The following PCDHGA2 variants were observed in gnomAD, a reference collection of about 807,000 sequenced individuals.
The protein encoded by PCDHGA2 is protocadherin gamma-A2.
A neutral mutation model predicts 59.2 loss-of-function variants in PCDHGA2; 40 were observed. That is an observed-to-expected ratio of 0.68 (90% CI 0.52 to 0.88). The LOEUF is 0.88. Ranked by LOEUF, PCDHGA2 falls within the 40% of genes least tolerant of loss-of-function variation. The probability of loss-of-function intolerance (pLI) is 0.00; values close to 1 mark genes in which losing one functional copy is unlikely to be tolerated. For synonymous variants in PCDHGA2, 560 were observed against 526.0 expected (o/e 1.06, Z -0.89); for missense variants, 1,226 against 1,204.0 (o/e 1.02, Z -0.27).
At chr5:141,346,575 T>A in intron 1 of PCDHGA2, 3 of 1,406,508 alleles carry the variant, frequency 2.1e-6, no homozygotes, top group Non-Finnish European at 2.9e-6. Context: ...GTCCTTTGAC[T>A]AAATATTTGT....
chr5:141,421,766 C>T, intron 1 of PCDHGA2: 2 of 1,613,868 alleles, frequency 1.2e-6, no homozygotes, highest in South Asian at 1.1e-5. Context: ...AATTACTTTT[C>T]CTTGCAACTG....
intron 1 of PCDHGA2, chr5:141,415,906 A>C (rs2154546200): frequency 1.3e-6 from 1 of 784,990 alleles, no homozygotes; most frequent in East Asian, 3.5e-5. Context: ...ACAGACTTCC[A>C]TACAGAAGTG....
At chr5:141,366,775 A>G (rs550477594) in intron 1 of PCDHGA2, 13 of 1,595,244 alleles carry the variant, frequency 8.1e-6, no homozygotes, top group African/African-American at 1.3e-5. Context: ...TTCGGTAAGG[A>G]TGACCAGAAC....
chr5:141,414,427 C>G lies in PCDHGA2; in HGVS notation c.2424+73032C>G, dbSNP rs766147938. The G allele has an allele frequency of 6.2e-6, 10 of 1,613,684 alleles. No individual in the cohort carries two copies. The highest frequency in any genetic ancestry group is 1.6e-4 in the Middle Eastern group (1 of 6,084). On this transcript the variant is annotated intron_variant, in intron 1 of 3. Coordinates refer to ENST00000394576, the MANE Select transcript of PCDHGA2 (RefSeq NM_018915.4). ...GATACACAGAGCCCTTGACAGGGAA[C>G]AGGTATCCTCTTACAATATCACAGT... is the stretch of plus-strand genomic sequence containing the variant.
rs188338684 is a variant in PCDHGA2, at chr5:141,431,953, C to T, written c.2425-62854C>T. ...TGCCCTTTAAATTAGAAAAATCTTA[C>T]GGAAATTACTATAGTTTAGTCACAG... On this transcript the variant is annotated intron_variant, in intron 1 of 3. Transcript: ENST00000394576. The surrounding 1 kb of genome is among the most constrained non-coding windows in gnomAD (Gnocchi z 4.8). 2.4e-5 allele frequency: 38 copies of T among 1,614,082 alleles called. No homozygotes were observed. In the East Asian group the frequency reaches 7.6e-4, roughly 32 times the overall value.
intron 1 of PCDHGA2, chr5:141,389,444 C>T: frequency 6.2e-7 from 1 of 1,610,564 alleles, no homozygotes; most frequent in South Asian, 1.1e-5. Flanking sequence ...CCTTCGACCA[C>T]GAGCAGCTGC....
At chr5:141,374,388 G>T (rs779801370) in intron 1 of PCDHGA2, 3 of 1,614,044 alleles carry the variant, frequency 1.9e-6, no homozygotes, top group Non-Finnish European at 2.5e-6. Context: ...AGCCCGCGGT[G>T]TCTGGTGAGT....
rs113212669 is a variant in PCDHGA2 at position 141,465,048 on chromosome 5, A to T, written c.2425-29759A>T. 2.4e-3 allele frequency among the ~76,000 whole-genome samples: 362 copies of T among 151,344 alleles called. 4 individuals are homozygous for T. Among genetic ancestry groups the T allele is most frequent in the African/African-American group, 8.4e-3 (346 of 41,268 alleles). On this transcript the variant is annotated intron_variant, in intron 1 of 3. Transcript: ENST00000394576. ...TGAACCACCACAAATGACCCTATAT[A>T]TTTTTTTGAATTGTCTGTTCATGTC...
chr5:141,393,874 G>C, intron 1 of PCDHGA2: 1 of 1,613,944 alleles, frequency 6.2e-7, no homozygotes. Context: ...TCTTTGTTTA[G>C]CCCAGTGTTA....
chr5:141,394,321 C>G (rs11575959), intron 1 of PCDHGA2: 43,282 of 1,613,954 alleles, frequency 0.027, 850 homozygotes, highest in African/African-American at 0.092. Flanking sequence ...CCCCTGTCCT[C>G]GTATATCTCC....
intron 1 of PCDHGA2, among the ~76,000 whole-genome samples, chr5:141,443,594 T>C (rs1040469046): frequency 1.3e-5 from 2 of 152,234 alleles, no homozygotes; most frequent in Non-Finnish European, 2.9e-5. Flanking sequence ...CAGAATGTGG[T>C]ATATGAAATG....
chr5:141,380,542 T>A lies in PCDHGA2; in HGVS notation c.2424+39147T>A, dbSNP rs182715146. 2.0e-5 allele frequency among the ~76,000 whole-genome samples: 3 copies of A among 152,362 alleles called. No individual in the cohort carries two copies. The East Asian group carries it at 5.8e-4, about 29-fold the overall frequency. On this transcript the variant is annotated intron_variant, in intron 1 of 3. Transcript: ENST00000394576. ...ATGAAATGATTTCAATTTGATACAA[T>A]GAGCTTATGTTAGATTTTATTAAAC...
In PCDHGA2 at chr5:141,462,551, G is replaced by C. The variant is rs57555347; in HGVS notation, c.2425-32256G>C. 8.3e-3 allele frequency among the ~76,000 whole-genome samples: 1,259 copies of C among 151,854 alleles called. 17 individuals carry two copies. The highest frequency in any genetic ancestry group is 0.029 in the African/African-American group (1,196 of 41,422). ...TTGTTCAGTGATCTTTTCTTCTTCA[G>C]TGTTTACTGTATTTGCTAATCCCAT... On this transcript the variant is annotated intron_variant, in intron 1 of 3. Transcript: ENST00000394576.
chr5:141,389,656 C>A (rs763730959), intron 1 of PCDHGA2: 18 of 1,612,420 alleles, frequency 1.1e-5, no homozygotes, highest in South Asian at 1.1e-5. Flanking sequence ...AAGGTAGTGG[C>A]GGTGGACGCA....
rs1210499024 is a variant in PCDHGA2 at position 141,431,784 on chromosome 5, A to T, written c.2425-63023A>T. ...CTGATCACTGTTCTGGACGTGAACG[A>T]CAATGCCCCAGAAGTGGTCCTCACC... On this transcript the variant is annotated intron_variant, in intron 1 of 3. Transcript: ENST00000394576. This position sits in a 1 kb window ranked among gnomAD's most constrained non-coding sequence, Gnocchi z 4.8. The T allele has an allele frequency of 6.2e-7, 1 of 1,614,102 alleles. No homozygotes were observed. The highest frequency in any genetic ancestry group is 8.5e-7 in the Non-Finnish European group (1 of 1,180,030).
intron 1 of PCDHGA2, chr5:141,375,652 G>A (rs1200856953): frequency 1.8e-5 from 29 of 1,614,096 alleles, no homozygotes; most frequent in Non-Finnish European, 2.3e-5. Context: ...TCGACTATGA[G>A]CAGTTGAGAG....
chr5:141,419,117 G>T (rs1362880648), intron 1 of PCDHGA2: 1 of 1,613,718 alleles, frequency 6.2e-7, no homozygotes, highest in African/African-American at 1.3e-5. Context: ...AGAGTACAAC[G>T]TCACCATCGC....
At chr5:141,383,956 A>G (rs1279675225) in intron 1 of PCDHGA2, 3 of 1,613,670 alleles carry the variant, frequency 1.9e-6, no homozygotes, top group Non-Finnish European at 2.5e-6. Context: ...GACGTCTTTA[A>G]GTAGCTCAAT....
chr5:141,341,033 G>A lies in PCDHGA2; in HGVS notation c.2062G>A (p.Asp688Asn), dbSNP rs767213524. The change falls in exon 1 of 4, where the codon GAC becomes AAC. Residue 688 changes from aspartate to asparagine, a missense_variant. Asp to Asn is a conservative substitution (Grantham distance 23). Coordinates refer to ENST00000394576, the MANE Select transcript of PCDHGA2 (RefSeq NM_018915.4). ...GCCCTCCGCCATACCCAACGATTCG[G>A]ACCTCACTCTGTACCTGGTGGTGGC... ...LEPSAIPNDS[D>N]LTLYLVVAVA... The A allele has an allele frequency of 1.9e-6, 3 of 1,614,158 alleles. No homozygotes were observed. Among genetic ancestry groups the A allele is most frequent in the South Asian group, 2.2e-5 (2 of 91,076 alleles).
Sources: gnomAD v4.1 joint callset for allele counts (sites outside exome capture counted in the v4.1 genomes callset) on GRCh38, gnomAD v4.1.1 for gene constraint, Gnocchi (gnomAD v3.1) non-coding constraint, MANE v1.5 for transcripts, NCBI Gene and HGNC (gene_info 2026-07-23, HGNC 2026-07-21) for gene names.